Variants in COL6A2 observed in about 807,000 individuals in gnomAD.
The protein encoded by COL6A2 is collagen type VI alpha 2 chain.
In COL6A2, 90 loss-of-function variants were observed where a neutral mutation model predicts 124.9. The observed-to-expected ratio is 0.72, with a 90% CI of 0.61 to 0.86. COL6A2 has a LOEUF of 0.86. COL6A2 is among the 40% of genes least tolerant of loss of function. COL6A2 has a pLI of 0.00. For missense variants in COL6A2, 1,607 were observed against 1,502.5 expected (o/e 1.07, Z -1.15); for synonymous variants, 793 against 618.2 (o/e 1.28, Z -4.19).
intron 27 of COL6A2, among the ~76,000 whole-genome samples, chr21:46,127,449 G>A (rs775061321): frequency 3.3e-5 from 5 of 152,124 alleles, no homozygotes; most frequent in Admixed American, 6.5e-5. Context: ...TTCCCCATAC[G>A]TGCTGCGACA....
intron 1 of COL6A2, among the ~76,000 whole-genome samples, chr21:46,099,348 C>G (rs1024972146): frequency 2.7e-5 from 4 of 147,774 alleles, no homozygotes; most frequent in African/African-American, 1.0e-4. Flanking sequence ...CCCAGCTAAT[C>G]GGGAGGCTGA....
At chr21:46,107,351 A>G (rs1293078617) in intron 1 of COL6A2, among the ~76,000 whole-genome samples, 1 of 152,128 alleles carries the variant, frequency 6.6e-6, no homozygotes, top group African/African-American at 2.4e-5. Context: ...CTAACCCTAT[A>G]TGCTGTGACT....
chr21:46,120,912 T>C, intron 16 of COL6A2, 149 bp from the exon 17 acceptor site: 1 of 780,044 alleles, frequency 1.3e-6, no homozygotes, highest in Middle Eastern at 2.2e-4. Context: ...GAAGGTCAAG[T>C]GGAGCCACAG....
In COL6A2 at chr21:46,122,112, A is replaced by C. The variant is rs763048343; in HGVS notation, c.1526A>C (p.Asp509Ala). ...CGACTCAACGTCCTCCTCCAGGGAG[A>C]CCCCGGCAGGCCTGGATTCAGCTAC... ...GDSGQPGPKG[D>A]PGRPGFSYPG... The change falls in exon 19 of 28, where the codon GAC becomes GCC. Residue 509 changes from aspartate (D) to alanine (A), a missense_variant. Around this residue, in one of 3 missense-constraint regions of COL6A2, gnomAD observed 1,223 missense variants for 1,052.2 expected, o/e 1.16. Coordinates refer to ENST00000300527, the MANE Select transcript of COL6A2 (RefSeq NM_001849.4). The C allele has an allele frequency of 6.2e-7, 1 of 1,612,174 alleles. No homozygotes were observed. Among genetic ancestry groups the C allele is most frequent in the Non-Finnish European group, 8.5e-7 (1 of 1,179,878 alleles).
At position 46,107,798 on chromosome 21, in the gene COL6A2, C is replaced by G. The variant is rs114773263; in HGVS notation, c.-27-3652C>G. ...CCATCTCTCCCCGCTTTGAATTTTCCTGCCTTTCTGGATTAAACCAATGTA... is the reference window on the plus strand; with the variant it reads ...CCATCTCTCCCCGCTTTGAATTTTCGTGCCTTTCTGGATTAAACCAATGTA... On this transcript the variant is annotated intron_variant, in intron 1 of 27. Coordinates refer to ENST00000300527, the MANE Select transcript of COL6A2 (RefSeq NM_001849.4). Among the ~76,000 whole-genome samples, 334 of 152,226 alleles carry G rather than the reference C, an allele frequency of 2.2e-3. 1 individual carries two copies. Among genetic ancestry groups the G allele is most frequent in the African/African-American group, 7.7e-3 (320 of 41,548 alleles).
Position 46,132,170 on chromosome 21 carries a change from C to T in COL6A2, c.2678C>T (p.Pro893Leu), listed in dbSNP as rs779242861. The change falls in exon 28 of 28, where the codon CCG becomes CTG. Residue 893 changes from proline to leucine, a missense_variant. Around this residue, in one of 3 missense-constraint regions of COL6A2, gnomAD observed 1,223 missense variants for 1,052.2 expected, o/e 1.16. Coordinates refer to ENST00000300527, the MANE Select transcript of COL6A2 (RefSeq NM_001849.4). The part of the protein sequence containing the change: ...GGPGEQQVAF[P>L]LSHNLTAIHE... ...CCCGGCGAGCAGCAGGTGGCCTTCC[C>T]GCTGAGCCACAACCTCACGGCCATC... is the stretch of plus-strand genomic sequence containing the variant. The T allele has an allele frequency of 4.5e-5, 70 of 1,570,172 alleles. No homozygotes were observed. Among genetic ancestry groups the T allele is most frequent in the Middle Eastern group, 3.3e-4 (2 of 6,040 alleles).
At position 46,132,834 on chromosome 21, in the gene COL6A2, A is replaced by C; in HGVS notation, c.*282A>C. 2.9e-5 allele frequency: 15 copies of C among 516,620 alleles called. No homozygotes were observed. The highest frequency in any genetic ancestry group is 3.9e-5 in the Non-Finnish European group (11 of 283,104). 32.0% of individuals were successfully genotyped at this position (516,620 alleles called of 1,614,324 possible). On this transcript the variant is annotated 3_prime_UTR_variant, in exon 28 of 28. Transcript: ENST00000300527. ...CTCTGGAGCAAGCCCTGACCCAATA[A>C]AGGCTTTGAACCCATTGCGTGCCTG... is the stretch of plus-strand genomic sequence containing the variant.
chr21:46,102,276 G>T (rs1225287092), intron 1 of COL6A2, among the ~76,000 whole-genome samples: 2 of 151,980 alleles, frequency 1.3e-5, no homozygotes, highest in Non-Finnish European at 2.9e-5. Context: ...TTGTTTATTA[G>T]TTGTAACAGT....
At position 46,125,547 on chromosome 21, in the gene COL6A2, G is replaced by C; in HGVS notation, c.1899G>C (p.Leu633=). 2 of 1,612,968 alleles carry C rather than the reference G, an allele frequency of 1.2e-6. No individual in the cohort carries two copies. The highest frequency in any genetic ancestry group is 1.7e-6 in the Non-Finnish European group (2 of 1,179,968). The change falls in exon 25 of 28, where the codon CTG becomes CTC. Residue 633 remains leucine (L), a synonymous_variant. Transcript: ENST00000300527. ...GCATTGGGTACACCAACTTCACACT[G>C]GAGAAGAACTTCGTCATCAACGTGG... ...SESIGYTNFT[L]EKNFVINVVN...
Position 46,124,544 on chromosome 21 carries a change from C to T in COL6A2, c.1672-107C>T, listed in dbSNP as rs553711550. On this transcript the variant is annotated intron_variant, in intron 21 of 27. Coordinates refer to ENST00000300527, the MANE Select transcript of COL6A2 (RefSeq NM_001849.4). The stretch of plus-strand genomic sequence containing the variant: ...TACTCCTTGCACCTGTTAGCCCCCC[C>T]CCCCGCCAAGGGAGGACCCGTGGTT... 1.5e-5 allele frequency: 15 copies of T among 981,766 alleles called. No individual in the cohort carries two copies. In the South Asian group the frequency reaches 1.8e-4, roughly 12 times the overall value. The allele number at this position is 981,766 out of a possible 1,614,324, so 60.8% of individuals were successfully genotyped here.
chr21:46,110,401 G>A (rs2123609396), intron 1 of COL6A2, among the ~76,000 whole-genome samples: 1 of 152,276 alleles, frequency 6.6e-6, no homozygotes, highest in East Asian at 1.9e-4. Context: ...TTGGGAAAAA[G>A]TTTATCTTTT....
At position 46,120,565 on chromosome 21, in the gene COL6A2, C is replaced by T. The variant is rs780251189; in HGVS notation, c.1383C>T (p.Asn461=). 1.4e-6 allele frequency: 2 copies of T among 1,466,732 alleles called. No individual in the cohort carries two copies. The highest frequency in any genetic ancestry group is 2.5e-5 in the East Asian group (1 of 39,416). The allele number at this position is 1,466,732 out of a possible 1,614,324, so 90.9% of individuals were successfully genotyped here. Residue 461 remains asparagine, a synonymous_variant, in exon 16 of 28, where the codon AAC becomes AAT. Coordinates refer to ENST00000300527, the MANE Select transcript of COL6A2 (RefSeq NM_001849.4). The stretch of plus-strand genomic sequence containing the variant: ...GCGGCCTGGCTGGAGAGGTTGGCAA[C>T]AAAGGAGCCAAGGTAGGGGAGCAGG... ...GPRGLAGEVG[N]KGAKGDRGLP... is the part of the protein sequence containing the mutation.
At chr21:46,111,879 G>A in intron 2 of COL6A2, 100 bp from the exon 3 acceptor site, 2 of 1,276,560 alleles carry the variant, frequency 1.6e-6, no homozygotes, top group Non-Finnish European at 2.3e-6. Flanking sequence ...GCATTCGGGG[G>A]CAGTGAGGTC....
chr21:46,121,508 G>A, intron 17 of COL6A2, 48 bp from the exon 18 acceptor site: 2 of 1,588,202 alleles, frequency 1.3e-6, no homozygotes, highest in Non-Finnish European at 1.7e-6. Flanking sequence ...CCCTGGGCAT[G>A]GCCAGTCCCT....
chr21:46,100,072 G>T (rs111291451), intron 1 of COL6A2, among the ~76,000 whole-genome samples: 1 of 151,724 alleles, frequency 6.6e-6, no homozygotes, highest in African/African-American at 2.4e-5. Context: ...ATGGATGTTC[G>T]CTTTTTGGGT....
chr21:46,115,503 A>C (rs1462170674), intron 5 of COL6A2, among the ~76,000 whole-genome samples: 1 of 152,216 alleles, frequency 6.6e-6, no homozygotes, highest in Non-Finnish European at 1.5e-5. Flanking sequence ...TAAAGGAATT[A>C]ATCTTTGTAG....
Position 46,112,299 on chromosome 21 carries a change from C to A in COL6A2, c.436C>A (p.Arg146=). 2 of 1,612,406 alleles carry A rather than the reference C, an allele frequency of 1.2e-6. No individual in the cohort carries two copies. Among genetic ancestry groups the A allele is most frequent in the Non-Finnish European group, 1.7e-6 (2 of 1,179,832 alleles). ...GCTGGCCAACATGACGGAGCAGATC[C>A]GGCAGGACCGCAGCAAGGGCACCGT... The part of the protein sequence containing the change: ...CALANMTEQI[R]QDRSKGTVHF... The change falls in exon 3 of 28, where the codon CGG becomes AGG. Residue 146 remains arginine (R), a synonymous_variant. Transcript: ENST00000300527.
chr21:46,117,529 C>T, intron 11 of COL6A2, 76 bp downstream of exon 11: 2 of 1,438,952 alleles, frequency 1.4e-6, no homozygotes, highest in Non-Finnish European at 1.9e-6. Flanking sequence ...AGGGTAGTTG[C>T]TGCTGCAGTG....
At chr21:46,108,475 C>G (rs1484609565) in intron 1 of COL6A2, among the ~76,000 whole-genome samples, 1 of 152,192 alleles carries the variant, frequency 6.6e-6, no homozygotes, top group Non-Finnish European at 1.5e-5. Context: ...ATAAGAACCA[C>G]TATTTTAGCT....
Sources: gnomAD v4.1 joint callset for allele counts (sites outside exome capture counted in the v4.1 genomes callset) on GRCh38, gnomAD v4.1.1 for gene constraint, gnomAD v4.1.1 regional missense constraint, MANE v1.5 for transcripts, NCBI Gene and HGNC (gene_info 2026-07-23, HGNC 2026-07-21) for gene names.